Variants in NBAS observed in about 807,000 individuals in gnomAD.
NBAS encodes NBAS subunit of NRZ tethering complex.
NBAS carries 219 observed loss-of-function variants against 302.5 expected under a neutral mutation model. The observed-to-expected ratio is 0.72, with a 90% CI of 0.65 to 0.81. The LOEUF (loss-of-function observed/expected upper bound fraction) is 0.81, where lower values mean the gene tolerates loss of function less well. NBAS is among the 30% of genes least tolerant of loss of function. The pLI is 0.00. For synonymous variants in NBAS, 1,118 were observed against 1,021.6 expected, an observed-to-expected ratio of 1.09 and a Z score of -1.80; for missense variants, 2,932 against 2,841.6, an observed-to-expected ratio of 1.03 and a Z score of -0.72.
At chr2:14,823,137 G>C in the NBAS span, among the ~76,000 whole-genome samples, 3 of 152,150 alleles carry the variant, frequency 2.0e-5, no homozygotes, top group South Asian at 6.2e-4. Flanking sequence ...ACAGGGACTC[G>C]ATTTAAGCAA....
At chr2:15,232,285 C>T (rs916075406) in intron 47 of NBAS, 137 bp downstream of exon 47, 4 of 764,960 alleles carry the variant, frequency 5.2e-6, no homozygotes, top group Admixed American at 2.1e-5. Flanking sequence ...TACCATGTCT[C>T]CAAGTGCAGA....
the NBAS span, among the ~76,000 whole-genome samples, chr2:14,898,140 A>G: frequency 6.6e-6 from 1 of 152,214 alleles, no homozygotes; most frequent in Non-Finnish European, 1.5e-5. Flanking sequence ...TATATTTCTT[A>G]TAAACTAGAG....
chr2:15,532,090 A>G (rs1663244942), intron 9 of NBAS, among the ~76,000 whole-genome samples: 1 of 152,258 alleles, frequency 6.6e-6, no homozygotes, highest in East Asian at 1.9e-4. Flanking sequence ...ATAAATAAAA[A>G]TGGAAAATCA....
At chr2:14,878,895 C>T in the NBAS span, among the ~76,000 whole-genome samples, 10 of 152,184 alleles carry the variant, frequency 6.6e-5, no homozygotes, top group East Asian at 1.4e-3. Flanking sequence ...TGTCATGTGT[C>T]GACCATTATA....
At chr2:15,279,355 G>T (rs1277622590) in intron 42 of NBAS, among the ~76,000 whole-genome samples, 1 of 152,064 alleles carries the variant, frequency 6.6e-6, no homozygotes, top group African/African-American at 2.4e-5. Flanking sequence ...AACTGCTCAG[G>T]ACATCACAAA....
chr2:15,165,822 G>A (rs6431682), downstream of NBAS, among the ~76,000 whole-genome samples: 637 of 152,306 alleles, frequency 4.2e-3, 1 homozygote, highest in Non-Finnish European at 7.4e-3. Flanking sequence ...TTAACCTTGT[G>A]CAAATTACTC....
the NBAS span, among the ~76,000 whole-genome samples, chr2:14,997,650 T>C: frequency 6.6e-6 from 1 of 152,148 alleles, no homozygotes; most frequent in African/African-American, 2.4e-5. Context: ...TGCACACTCT[T>C]GGCAAATTTC....
chr2:15,001,754 G>A, the NBAS span, among the ~76,000 whole-genome samples: 2 of 152,012 alleles, frequency 1.3e-5, no homozygotes, highest in African/African-American at 4.8e-5. Flanking sequence ...GGATGTGTTC[G>A]GAGTTTCTTC....
the NBAS span, among the ~76,000 whole-genome samples, chr2:15,079,475 C>A: frequency 6.6e-6 from 1 of 152,178 alleles, no homozygotes. Context: ...GAGGTCTCAG[C>A]TGGGATCTGC....
the NBAS span, among the ~76,000 whole-genome samples, chr2:14,799,284 T>A: frequency 6.6e-6 from 1 of 152,086 alleles, no homozygotes; most frequent in African/African-American, 2.4e-5. Context: ...TCCAAAACTT[T>A]GTTTTCCCTT....
At chr2:15,194,351 T>A (rs550982057) in intron 48 of NBAS, among the ~76,000 whole-genome samples, 57 of 152,242 alleles carry the variant, frequency 3.7e-4, no homozygotes, top group African/African-American at 1.3e-3. Flanking sequence ...ATGTGAATAA[T>A]AATGGATTTA....
intron 12 of NBAS, among the ~76,000 whole-genome samples, chr2:15,487,686 C>T (rs1040474266): frequency 2.6e-5 from 4 of 152,178 alleles, no homozygotes; most frequent in African/African-American, 9.7e-5. Flanking sequence ...CAGCTAAATA[C>T]ATTACACAGT....
At chr2:15,474,466 C>A in intron 14 of NBAS, 142 bp from the exon 15 acceptor site, 1 of 861,384 alleles carries the variant, frequency 1.2e-6, no homozygotes. Context: ...CAATGGAACT[C>A]AAAGGAACCT....
the NBAS span, among the ~76,000 whole-genome samples, chr2:14,943,577 C>T: frequency 6.6e-6 from 1 of 152,126 alleles, no homozygotes; most frequent in Admixed American, 6.5e-5. Context: ...GTAATTAGCA[C>T]AGTTCTTTGT....
the NBAS span, among the ~76,000 whole-genome samples, chr2:14,779,525 C>A: frequency 6.6e-6 from 1 of 152,162 alleles, no homozygotes; most frequent in African/African-American, 2.4e-5. Flanking sequence ...GGCTGTGACT[C>A]AAACCCACCA....
the NBAS span, among the ~76,000 whole-genome samples, chr2:14,798,023 G>T: frequency 6.6e-6 from 1 of 152,234 alleles, no homozygotes; most frequent in East Asian, 1.9e-4. Context: ...TTCAACAGAG[G>T]TGATTATGTC....
intron 42 of NBAS, among the ~76,000 whole-genome samples, chr2:15,284,938 C>T (rs1669972551): frequency 1.3e-5 from 2 of 152,128 alleles, no homozygotes; most frequent in South Asian, 4.2e-4. Flanking sequence ...CTAGGAACAG[C>T]CTTGCACATC....
chr2:15,034,027 G>GAAGAAGAAGAAGAACAAGA, the NBAS span, among the ~76,000 whole-genome samples: 1 of 63,794 alleles, frequency 1.6e-5, no homozygotes, highest in Non-Finnish European at 2.6e-5. Context: ...AGAAGAAGAA[G>GAAGAAGAAGAAGAACAAGA]AGGAGGAGGA....
At chr2:14,916,345 C>T in the NBAS span, among the ~76,000 whole-genome samples, 1 of 152,148 alleles carries the variant, frequency 6.6e-6, no homozygotes, top group Non-Finnish European at 1.5e-5. Flanking sequence ...ACAAACACTC[C>T]TCAGGATGCA....
Sources: allele counts gnomAD v4.1 joint callset (sites outside exome capture counted in the v4.1 genomes callset), GRCh38; gene constraint gnomAD v4.1.1; transcripts MANE v1.5; gene names NCBI Gene and HGNC (gene_info 2026-07-23, HGNC 2026-07-21).